PLSCR2: variants seen among roughly 807,000 people sequenced by gnomAD.
PLSCR2 encodes phospholipid scramblase 2.
Under a neutral mutation model 25.3 loss-of-function variants are expected in PLSCR2, and 18 were observed. The observed-to-expected ratio is 0.71, with a 90% confidence interval of 0.49 to 1.06. The LOEUF (loss-of-function observed/expected upper bound fraction) is 1.06. Ranked by LOEUF, PLSCR2 falls within the 50% of genes least tolerant of loss-of-function variation. PLSCR2 has a pLI of 0.00. For synonymous variants in PLSCR2, 88 were observed against 87.3 expected (o/e 1.01, Z -0.04); for missense variants, 243 against 269.5 (o/e 0.90, Z 0.69).
chr3:146,396,792 T>C (rs766347594), intron 2 of PLSCR2, among the ~76,000 whole-genome samples: 18 of 152,100 alleles, frequency 1.2e-4, no homozygotes, highest in Non-Finnish European at 2.4e-4. Context: ...CTAAGGAATA[T>C]GGGAAACGAG....
chr3:146,436,069 G>A (rs1454565577), intron 8 of PLSCR2, among the ~76,000 whole-genome samples: 1 of 152,180 alleles, frequency 6.6e-6, no homozygotes, highest in East Asian at 1.9e-4. Flanking sequence ...GTTTGTCAAA[G>A]ATCAGATGGT....
intron 2 of PLSCR2, among the ~76,000 whole-genome samples, chr3:146,416,191 C>A (rs1359505817): frequency 1.3e-5 from 2 of 151,874 alleles, no homozygotes. Flanking sequence ...ACCTCATGAT[C>A]CGCCCGCCTC....
chr3:146,451,877 C>G (rs2040918554), intron 5 of PLSCR2, among the ~76,000 whole-genome samples: 1 of 139,766 alleles, frequency 7.2e-6, no homozygotes, highest in South Asian at 2.7e-4. Context: ...GACAGATCCC[C>G]CTTTGCTCAG....
At chr3:146,446,827 T>A (rs976916891) in intron 6 of PLSCR2, among the ~76,000 whole-genome samples, 7 of 152,108 alleles carry the variant, frequency 4.6e-5, no homozygotes, top group African/African-American at 1.7e-4. Flanking sequence ...AGGAATCTAC[T>A]TGCTGCTCTA....
At chr3:146,400,519 G>T (rs1213109567) in intron 2 of PLSCR2, among the ~76,000 whole-genome samples, 2 of 151,386 alleles carry the variant, frequency 1.3e-5, no homozygotes, top group Non-Finnish European at 3.0e-5. Context: ...CATAGCCATT[G>T]AGCAGAAGAT....
chr3:146,454,517 ATGT>A (rs1421092591), intron 4 of PLSCR2, among the ~76,000 whole-genome samples: 1 of 152,156 alleles, frequency 6.6e-6, no homozygotes, highest in African/African-American at 2.4e-5. Flanking sequence ...TATCTGTATG[ATGT>A]TCTCACAGCA....
At chr3:146,441,749 G>A (rs1318460275), downstream of PLSCR2, 2 of 1,424,900 alleles carry the variant, frequency 1.4e-6, no homozygotes, top group Non-Finnish European at 2.0e-6. Flanking sequence ...ATTTTCTGAG[G>A]AGACTTACAT....
chr3:146,448,522 A>G (rs1228870914), intron 6 of PLSCR2, among the ~76,000 whole-genome samples: 2 of 152,148 alleles, frequency 1.3e-5, no homozygotes, highest in Non-Finnish European at 1.5e-5. Context: ...AGGAGTTTGA[A>G]AGTTACCCAG....
In PLSCR2 at chr3:146,445,690, C is replaced by G. The variant is rs573973873; in HGVS notation, c.645+3516G>C. 7.9e-5 allele frequency among the ~76,000 whole-genome samples: 12 copies of G among 152,134 alleles called. No individual in the cohort carries two copies. In the South Asian group the frequency reaches 2.5e-3, roughly 32 times the overall value. On this transcript the variant is annotated intron_variant, in intron 6 of 6. Coordinates refer to ENST00000610787, the Ensembl canonical transcript of PLSCR2. ...GTATTTGAATATTTATATCTTTCTC[C>G]AGGTTTGAAAAGTTCTCTGTTATTA...
intron 1 of PLSCR2, chr3:146,495,851 A>G (rs1344068289): frequency 6.8e-7 from 1 of 1,480,442 alleles, no homozygotes; most frequent in Non-Finnish European, 9.1e-7. Context: ...AGAGATCAAC[A>G]TTTGAAGCAC....
chr3:146,461,381 T>C (rs1390468545), upstream of PLSCR2, among the ~76,000 whole-genome samples: 1 of 152,168 alleles, frequency 6.6e-6, no homozygotes, highest in Non-Finnish European at 1.5e-5. Context: ...CCTCCTACGA[T>C]TAATGAATAT....
chr3:146,393,069 T>G (rs1224057803), intron 3 of PLSCR2, among the ~76,000 whole-genome samples: 6 of 147,502 alleles, frequency 4.1e-5, no homozygotes, highest in Non-Finnish European at 9.0e-5. Context: ...CGCTCTGTTG[T>G]CCAGGCTGGA....
At chr3:146,474,092 T>C (rs2042204679) in intron 1 of PLSCR2, among the ~76,000 whole-genome samples, 2 of 145,876 alleles carry the variant, frequency 1.4e-5, no homozygotes, top group African/African-American at 5.0e-5. Context: ...AGTTTCCTGC[T>C]TACTTTTGTA....
At chr3:146,444,345 T>C (rs2040421778) in intron 6 of PLSCR2, among the ~76,000 whole-genome samples, 1 of 152,012 alleles carries the variant, frequency 6.6e-6, no homozygotes, top group Admixed American at 6.6e-5. Context: ...ATCTGTCCAA[T>C]GCTGAAAAGT....
intron 1 of PLSCR2, among the ~76,000 whole-genome samples, chr3:146,473,810 G>A (rs972114593): frequency 6.6e-6 from 1 of 152,072 alleles, no homozygotes; most frequent in Admixed American, 6.6e-5. Flanking sequence ...TTTGGAACGG[G>A]GCTTGAGAAT....
intron 1 of PLSCR2, among the ~76,000 whole-genome samples, chr3:146,467,034 A>G (rs1161386122): frequency 6.6e-6 from 1 of 152,230 alleles, no homozygotes; most frequent in Non-Finnish European, 1.5e-5. Flanking sequence ...TGAAAAGCAC[A>G]GTTGTTACTA....
chr3:146,408,152 A>C (rs1361748835), intron 2 of PLSCR2, among the ~76,000 whole-genome samples: 3 of 152,172 alleles, frequency 2.0e-5, no homozygotes, highest in Admixed American at 6.5e-5. Flanking sequence ...CTCTTGGACT[A>C]GGCTTGCTGC....
At chr3:146,447,452 CA>C (rs1017587271) in intron 6 of PLSCR2, among the ~76,000 whole-genome samples, 5 of 152,218 alleles carry the variant, frequency 3.3e-5, no homozygotes, top group African/African-American at 1.2e-4. Context: ...TTCAAGGCAG[CA>C]GGTTCCCTTC....
exon 2 of PLSCR2, chr3:146,459,943 C>A: frequency 6.2e-7 from 1 of 1,614,002 alleles, no homozygotes; most frequent in Non-Finnish European, 8.5e-7. Context: ...TGATTTTGAA[C>A]AGGAATGCCA....
Sources: allele counts gnomAD v4.1 joint callset (sites outside exome capture counted in the v4.1 genomes callset), GRCh38; gene constraint gnomAD v4.1.1; transcripts MANE v1.5; gene names NCBI Gene and HGNC (gene_info 2026-07-23, HGNC 2026-07-21).